Variants in SLC9A7 observed in about 807,000 individuals in gnomAD.
SLC9A7 encodes the protein sodium/hydrogen exchanger 7.
SLC9A7 carries 19 observed loss-of-function variants against 52.6 expected under a neutral mutation model. The observed-to-expected ratio is 0.36, with a 90% CI of 0.25 to 0.53. The LOEUF (loss-of-function observed/expected upper bound fraction) is 0.53, where lower values mean the gene tolerates loss of function less well. Ranked by LOEUF, SLC9A7 falls within the 20% of genes least tolerant of loss-of-function variation. The pLI, the probability that SLC9A7 is intolerant of heterozygous loss-of-function variation, is 0.91. For synonymous variants in SLC9A7, 226 were observed against 252.1 expected (o/e 0.90, Z 0.98); for missense variants, 455 against 597.9 (o/e 0.76, Z 2.49).
intron 15 of SLC9A7, among the ~76,000 whole-genome samples, chrX:46,617,719 A>C (rs755255141): frequency 1.8e-5 from 2 of 112,272 alleles, no homozygotes; most frequent in Non-Finnish European, 3.8e-5. Context: ...GAAATCCCAA[A>C]GTCACTAAAA....
intron 3 of SLC9A7, among the ~76,000 whole-genome samples, chrX:46,674,982 C>G (rs902969987): frequency 1.8e-5 from 2 of 110,264 alleles, no homozygotes; most frequent in Non-Finnish European, 3.8e-5. Context: ...CCTCCCATTC[C>G]TCACTGGCAA....
At chrX:46,690,327 C>T (rs941413531) in intron 1 of SLC9A7, among the ~76,000 whole-genome samples, 1 of 112,383 alleles carries the variant, frequency 8.9e-6, no homozygotes, top group African/African-American at 3.2e-5. Context: ...TTGCATTTCC[C>T]TAATGGCTAA....
rs191461650 is a variant in SLC9A7 at position 46,667,717 on chromosome X, A to T, written c.793+1890T>A. Among the ~76,000 whole-genome samples the T allele has an allele frequency of 8.0e-5, 9 of 111,979 alleles. No individual in the cohort carries two copies. The East Asian group carries it at 2.5e-3, about 31-fold the overall frequency. The stretch of plus-strand genomic sequence containing the variant: ...ATTACTGTTCAGAATATTAGAGGGC[A>T]TTGGAGACATTGAGCAGACCTTTCT... On this transcript the variant is annotated intron_variant, in intron 5 of 16. Transcript: ENST00000616978.
chrX:46,741,940 C>A, intron 1 of SLC9A7, among the ~76,000 whole-genome samples: 1 of 109,741 alleles, frequency 9.1e-6, no homozygotes, highest in East Asian at 2.8e-4. Context: ...CTCGAAACTC[C>A]AAAGAAAAAC....
At chrX:46,653,486 C>G in intron 8 of SLC9A7, 123 bp downstream of exon 8, 1 of 442,390 alleles carries the variant, frequency 2.3e-6, no homozygotes, top group Non-Finnish European at 4.0e-6. Context: ...ATCCTCCATA[C>G]GGACACTTGC....
Position 46,724,212 on chromosome X carries a change from A to G in SLC9A7, c.325+34493T>C, listed in dbSNP as rs187261767. ...ATATGAGAATAGCCCATTGCGGTTA[A>G]TAAGGTACTTATGACCATTACCTCA... On this transcript the variant is annotated intron_variant, in intron 1 of 16. Transcript: ENST00000616978. 1.5e-3 allele frequency among the ~76,000 whole-genome samples: 167 copies of G among 112,124 alleles called. 1 individual carries two copies. In the South Asian group the frequency reaches 0.039, roughly 26 times the overall value.
chrX:46,730,670 T>TATATATATATATA (rs1491295251), intron 1 of SLC9A7, among the ~76,000 whole-genome samples: 5 of 42,928 alleles, frequency 1.2e-4, no homozygotes, highest in African/African-American at 3.2e-4. Context: ...AAAAAAAAAA[T>TATATATATATATA]TATATATATA....
rs544356044 is a variant in SLC9A7, at chrX:46,631,753, C to G, written c.1677-104G>C. On this transcript the variant is annotated intron_variant, in intron 13 of 16. Transcript: ENST00000616978. ...GTAGCCTGGAGGCTAATCATCTTCC[C>G]GAAGCATAAGGAGTGGTTAGCTAAA... The G allele has an allele frequency of 1.3e-3, 810 of 609,169 alleles. 10 individuals carry two copies. The South Asian group carries it at 0.021, about 16-fold the overall frequency. The allele number at this position is 609,169 out of a possible 1,213,427, so 50.2% of individuals were successfully genotyped here.
At chrX:46,720,718 G>T (rs1569523347) in intron 1 of SLC9A7, among the ~76,000 whole-genome samples, 1 of 111,376 alleles carries the variant, frequency 9.0e-6, no homozygotes, top group Non-Finnish European at 1.9e-5. Flanking sequence ...CATACACCTT[G>T]CATCCTCCTC....
chrX:46,707,986 C>T (rs997294374), intron 1 of SLC9A7, among the ~76,000 whole-genome samples: 1 of 110,704 alleles, frequency 9.0e-6, no homozygotes, highest in African/African-American at 3.3e-5. Flanking sequence ...GCGATCCACC[C>T]GCCCTCAGCC....
intron 1 of SLC9A7, among the ~76,000 whole-genome samples, chrX:46,727,769 T>A: frequency 8.9e-6 from 1 of 112,181 alleles, no homozygotes; most frequent in Non-Finnish European, 1.9e-5. Context: ...CACAAAGAAC[T>A]AGCCAATGTA....
At position 46,601,788 on chromosome X, in the gene SLC9A7, CAA is replaced by C. The variant is rs1942663648; in HGVS notation, c.*5162_*5163del. The C allele has an allele frequency of 8.9e-6, 1 of 112,332 alleles. No homozygotes were observed. The highest frequency in any genetic ancestry group is 1.9e-5 in the Non-Finnish European group (1 of 53,271). The allele number at this position is 112,332 out of a possible 1,213,427, so 9.3% of individuals were successfully genotyped here. On this transcript the variant is annotated 3_prime_UTR_variant, in exon 17 of 17. Coordinates refer to ENST00000616978, the MANE Select transcript of SLC9A7 (RefSeq NM_001257291.2). ...GAAAGTTCAGGTTTCTGGTAGTTCT[CAA>C]AAAGTGTACTAAAAGGAATAGCAGC... is the stretch of plus-strand genomic sequence containing the variant.
chrX:46,660,764 C>G (rs199502203), intron 7 of SLC9A7, among the ~76,000 whole-genome samples: 29,048 of 106,346 alleles, frequency 0.27, 3,794 homozygotes, highest in African/African-American at 0.5. Context: ...CACTTTTACA[C>G]TGTTGGTGGG....
At chrX:46,707,816 C>T (rs1319169186) in intron 1 of SLC9A7, among the ~76,000 whole-genome samples, 2 of 112,167 alleles carry the variant, frequency 1.8e-5, no homozygotes, top group Non-Finnish European at 3.8e-5. Flanking sequence ...CTCAGCTCAC[C>T]GCGACCTCCA....
intron 13 of SLC9A7, among the ~76,000 whole-genome samples, chrX:46,633,336 TAAAAAAAAAAAAAAAAAAAAAAAAAAA>T (rs397836432): frequency 0.059 from 483 of 8,128 alleles, 16 homozygotes; most frequent in African/African-American, 0.15. Context: ...TTGCTGCTGC[TAAAAAAAAAAAAAAAAAAAAAAAAAAA>T]AAAAAAAAAA....
chrX:46,675,356 G>A (rs1944102164), intron 3 of SLC9A7, among the ~76,000 whole-genome samples: 1 of 111,672 alleles, frequency 9.0e-6, no homozygotes, highest in Admixed American at 9.6e-5. Flanking sequence ...CTGACAACAG[G>A]TTTCATCAGA....
intron 1 of SLC9A7, among the ~76,000 whole-genome samples, chrX:46,754,996 G>A (rs1468660779): frequency 8.9e-6 from 1 of 112,578 alleles, no homozygotes; most frequent in Non-Finnish European, 1.9e-5. Context: ...TGGCAGGCAA[G>A]TGCCTGGCCC....
chrX:46,659,082 T>C (rs2146805606), intron 7 of SLC9A7, among the ~76,000 whole-genome samples: 1 of 110,994 alleles, frequency 9.0e-6, no homozygotes, highest in East Asian at 2.8e-4. Context: ...CGCAAATCAA[T>C]AAATGTAATC....
At chrX:46,673,928 T>C (rs981881100) in intron 3 of SLC9A7, among the ~76,000 whole-genome samples, 4 of 112,427 alleles carry the variant, frequency 3.6e-5, no homozygotes, top group Non-Finnish European at 5.6e-5. Context: ...GATGGACACA[T>C]TATGTTTGCC....
Sources: gnomAD v4.1 joint callset for allele counts (sites outside exome capture counted in the v4.1 genomes callset) on GRCh38, gnomAD v4.1.1 for gene constraint, MANE v1.5 for transcripts, NCBI Gene and HGNC (gene_info 2026-07-23, HGNC 2026-07-21) for gene names.